LRCH1: variants seen among roughly 807,000 people sequenced by gnomAD.
LRCH1 encodes leucine-rich repeat and calponin homology domain-containing protein 1.
LRCH1 carries 23 observed loss-of-function variants against 94.9 expected under a neutral mutation model. The observed-to-expected ratio is 0.24, with a 90% CI of 0.17 to 0.34. The LOEUF (loss-of-function observed/expected upper bound fraction) is 0.34, where lower values mean the gene tolerates loss of function less well. Among genes scored for constraint, LRCH1 ranks in the 10% least tolerant of loss-of-function variants. The pLI is 1.00. For synonymous variants in LRCH1, 364 were observed against 354.9 expected, an observed-to-expected ratio of 1.03 and a Z score of -0.29; for missense variants, 790 against 945.9, an observed-to-expected ratio of 0.84 and a Z score of 2.16.
rs1428034587 is a variant in LRCH1, at chr13:46,744,880, A to G, written c.*3032A>G. ...GTATTTCAAAATTAGTTCTCAATAA[A>G]CAATCAATTTGGTATATAGAATGTG... is the stretch of plus-strand genomic sequence containing the variant. On this transcript the variant is annotated 3_prime_UTR_variant, in exon 20 of 20. Transcript: ENST00000389797. 1.0e-6 allele frequency: 1 copy of G among 984,688 alleles called. No homozygotes were observed. Among genetic ancestry groups the G allele is most frequent in the Non-Finnish European group, 1.2e-6 (1 of 829,608 alleles). The allele number at this position is 984,688 out of a possible 1,614,324, so 61.0% of individuals were successfully genotyped here.
chr13:46,695,749 A>T (rs1005953480), intron 9 of LRCH1, among the ~76,000 whole-genome samples: 2 of 152,184 alleles, frequency 1.3e-5, no homozygotes, highest in African/African-American at 4.8e-5. Context: ...GAAGCCAAGA[A>T]TGGGATCCCT....
At chr13:46,720,400 C>CA (rs377116725) in intron 16 of LRCH1, among the ~76,000 whole-genome samples, 152 of 152,232 alleles carry the variant, frequency 1.0e-3, no homozygotes, top group Middle Eastern at 3.4e-3. Flanking sequence ...ACCCGCCCCC[C>CA]AAAACCAATC....
chr13:46,640,763 T>C (rs1475084867), intron 1 of LRCH1, among the ~76,000 whole-genome samples: 1 of 152,224 alleles, frequency 6.6e-6, no homozygotes. Flanking sequence ...AGGTTATTTA[T>C]GTGCTAAGAT....
intron 1 of LRCH1, among the ~76,000 whole-genome samples, chr13:46,569,054 G>A (rs1207671163): frequency 6.6e-6 from 1 of 151,506 alleles, no homozygotes; most frequent in Admixed American, 6.6e-5. Context: ...TTTAGTGGAC[G>A]TTCTTTAATC....
intron 1 of LRCH1, among the ~76,000 whole-genome samples, chr13:46,599,423 A>G (rs1791628844): frequency 6.6e-6 from 1 of 152,322 alleles, no homozygotes; most frequent in Admixed American, 6.5e-5. Flanking sequence ...AGGATCTGCC[A>G]TAATGTTTTC....
In LRCH1 at chr13:46,681,825, T is replaced by C; in HGVS notation, c.664T>C (p.Tyr222His). 1 of 1,610,482 alleles carries C rather than the reference T, an allele frequency of 6.2e-7. No individual in the cohort carries two copies. Among genetic ancestry groups the C allele is most frequent in the African/African-American group, 1.3e-5 (1 of 74,890 alleles). ...SLRELNVRRN[Y>H]LKVLPQELVD... ...ACGAGAACTGAATGTCAGAAGAAAT[T>C]ACCTTAAAGTTTTACCACAAGGTAA... The change falls in exon 4 of 20, where the codon TAC (tyrosine) becomes CAC (histidine). Residue 222 changes from tyrosine (Y) to histidine (H), a missense_variant. Tyr to His is a moderately conservative substitution (Grantham distance 83). This residue lies in a region of LRCH1 where 194 missense variants were observed against 293.5 expected (regional missense o/e 0.66). Coordinates refer to ENST00000389797, the MANE Select transcript of LRCH1 (RefSeq NM_001164211.2).
chr13:46,574,066 G>A (rs905125815), intron 1 of LRCH1, among the ~76,000 whole-genome samples: 8 of 151,020 alleles, frequency 5.3e-5, no homozygotes, highest in African/African-American at 1.9e-4. Flanking sequence ...GGCTGGTCTC[G>A]AACTCCTGAC....
At chr13:46,562,256 GTCT>G (rs1720266126) in intron 1 of LRCH1, among the ~76,000 whole-genome samples, 1 of 152,156 alleles carries the variant, frequency 6.6e-6, no homozygotes. Context: ...CACTGTATTA[GTCT>G]GCTAGGGGCA....
chr13:46,574,131 C>A (rs978954198), intron 1 of LRCH1, among the ~76,000 whole-genome samples: 1 of 151,414 alleles, frequency 6.6e-6, no homozygotes, highest in Non-Finnish European at 1.5e-5. Flanking sequence ...AATTACAGGC[C>A]ACTGTGCCTG....
At chr13:46,555,908 T>C (rs1179982320) in intron 1 of LRCH1, among the ~76,000 whole-genome samples, 1 of 152,250 alleles carries the variant, frequency 6.6e-6, no homozygotes, top group Non-Finnish European at 1.5e-5. Context: ...GCACAGTTTC[T>C]TATTTGAGAG....
chr13:46,557,126 A>G (rs971853886), intron 1 of LRCH1, among the ~76,000 whole-genome samples: 2 of 152,042 alleles, frequency 1.3e-5, no homozygotes, highest in African/African-American at 4.8e-5. Context: ...AAATTGGGCC[A>G]AAGAAAAACA....
At chr13:46,654,022 A>G (rs1030576585) in intron 2 of LRCH1, among the ~76,000 whole-genome samples, 2 of 152,234 alleles carry the variant, frequency 1.3e-5, no homozygotes, top group Admixed American at 6.5e-5. Context: ...GTTGAATGCA[A>G]TATAGCTTTT....
Position 46,742,486 on chromosome 13 carries a change from C to A in LRCH1, c.*638C>A. The A allele has an allele frequency of 1.0e-6, 1 of 986,146 alleles. No homozygotes were observed. The highest frequency in any genetic ancestry group is 1.2e-6 in the Non-Finnish European group (1 of 830,468). The allele number at this position is 986,146 out of a possible 1,614,324, so 61.1% of individuals were successfully genotyped here. A position where few individuals can be genotyped will look rare whatever the true frequency, so the allele number is the denominator to read the frequency against. On this transcript the variant is annotated 3_prime_UTR_variant, in exon 20 of 20. Transcript: ENST00000389797. Reference sequence around the variant, plus strand: ...GAAGGGCGCTGGGCAGTGTGGCCGCCAACTTCCACCCCGGCAAGCCCCTCT... The same window carrying A: ...GAAGGGCGCTGGGCAGTGTGGCCGCAAACTTCCACCCCGGCAAGCCCCTCT...
Position 46,723,301 on chromosome 13 carries a change from G to A in LRCH1, c.1840G>A (p.Glu614Lys), listed in dbSNP as rs373195317. 15 of 1,613,250 alleles carry A rather than the reference G, an allele frequency of 9.3e-6. No homozygotes were observed. In the African/African-American group the frequency reaches 1.2e-4, roughly 13 times the overall value. ...GAGGAAAATGGAGCAGATGAGAGAAGAGAAAGAGCTGGTGGAACAACTTCG... is the reference window on the plus strand; with the variant it reads ...GAGGAAAATGGAGCAGATGAGAGAAAAGAAAGAGCTGGTGGAACAACTTCG... ...IRRKMEQMREEKELVEQLRES... is the reference protein window; with the variant it reads ...IRRKMEQMREKKELVEQLRES... Residue 614 changes from glutamate to lysine, a missense_variant, in exon 17 of 20, where the codon GAG (glutamate) becomes AAG (lysine). Physicochemically the swap from Glu to Lys is moderately conservative, Grantham distance 56 (BLOSUM62 1). Transcript: ENST00000389797.
In LRCH1 at chr13:46,555,953, C is replaced by T. The variant is rs117262132; in HGVS notation, c.307+2250C>T. Among the ~76,000 whole-genome samples the T allele has an allele frequency of 1.1e-4, 17 of 152,256 alleles. No individual in the cohort carries two copies. The East Asian group carries it at 3.1e-3, about 28-fold the overall frequency. On this transcript the variant is annotated intron_variant, in intron 1 of 19. Transcript: ENST00000389797. Reference sequence around the variant, plus strand: ...CAAAATAAAGAGTTAAAGTTACCTCCGGTGTACACAGTGTTGACACAGCGT... The same window carrying T: ...CAAAATAAAGAGTTAAAGTTACCTCTGGTGTACACAGTGTTGACACAGCGT...
intron 1 of LRCH1, among the ~76,000 whole-genome samples, chr13:46,647,412 A>G (rs1467745540): frequency 4.6e-5 from 7 of 152,036 alleles, no homozygotes; most frequent in Admixed American, 2.6e-4. Context: ...AGCCATTCGT[A>G]TATCATTTTC....
rs201873344 is a variant in LRCH1, at chr13:46,741,693, C to A, written c.2137C>A (p.Arg713=). ...CCTGCAGTTGGATTTTCGTCACATT[C>A]GAAAGACTGTTGACACTCTGCTGGC... ...DILQLDFRHI[R]KTVDTLLALG... is the part of the protein sequence containing the mutation. Residue 713 remains arginine (R), a synonymous_variant, in exon 20 of 20, where the codon CGA becomes AGA. Coordinates refer to ENST00000389797, the MANE Select transcript of LRCH1 (RefSeq NM_001164211.2). The A allele has an allele frequency of 6.2e-7, 1 of 1,614,196 alleles. No homozygotes were observed. The highest frequency in any genetic ancestry group is 2.2e-5 in the East Asian group (1 of 44,882).
At chr13:46,647,054 A>C (rs1460708352) in intron 1 of LRCH1, among the ~76,000 whole-genome samples, 1 of 151,132 alleles carries the variant, frequency 6.6e-6, no homozygotes, top group Non-Finnish European at 1.5e-5. Flanking sequence ...TGGAGGTTGC[A>C]GTGAGCTGAG....
intron 1 of LRCH1, among the ~76,000 whole-genome samples, chr13:46,574,848 G>A (rs973730784): frequency 2.9e-5 from 3 of 104,166 alleles, no homozygotes; most frequent in African/African-American, 1.3e-4. Context: ...TTTTTTTTTG[G>A]TGTATGGGCT....
Sources: allele counts gnomAD v4.1 joint callset (sites outside exome capture counted in the v4.1 genomes callset), GRCh38; gene constraint gnomAD v4.1.1; regional missense constraint gnomAD v4.1.1; transcripts MANE v1.5; gene names NCBI Gene and HGNC (gene_info 2026-07-23, HGNC 2026-07-21).